Variants in PARP1 observed in about 807,000 individuals in gnomAD.
PARP1 encodes poly(ADP-ribose) polymerase 1.
A neutral mutation model predicts 118.7 loss-of-function variants in PARP1; 44 were observed. The observed-to-expected ratio is 0.37, with a 90% confidence interval of 0.29 to 0.48. The LOEUF is 0.48. Among genes scored for constraint, PARP1 ranks in the 20% least tolerant of loss-of-function variants. The pLI is 0.99. For synonymous variants in PARP1, 492 were observed against 483.2 expected (o/e 1.02, Z -0.24); for missense variants, 1,100 against 1,272.4 (o/e 0.86, Z 2.06).
intron 2 of PARP1, among the ~76,000 whole-genome samples, chr1:226,398,060 A>G (rs944186602): frequency 2.0e-5 from 3 of 152,316 alleles, no homozygotes; most frequent in African/African-American, 7.2e-5. Flanking sequence ...TGTAAGACAC[A>G]AAACTGTTAA....
intron 16 of PARP1, 126 bp from the exon 17 acceptor site, chr1:226,367,734 T>A (rs182600293): frequency 9.3e-7 from 1 of 1,077,908 alleles, no homozygotes; most frequent in East Asian, 2.4e-5. Flanking sequence ...CTCCTGCTGG[T>A]CAGGGCCAGC....
chr1:226,396,535 T>C (rs1664927688), intron 2 of PARP1, among the ~76,000 whole-genome samples: 1 of 152,054 alleles, frequency 6.6e-6, no homozygotes. Context: ...ATATCCCACA[T>C]GTTAATAAGT....
At chr1:226,406,829 C>T in intron 1 of PARP1, among the ~76,000 whole-genome samples, 1 of 152,106 alleles carries the variant, frequency 6.6e-6, no homozygotes, top group Non-Finnish European at 1.5e-5. Context: ...CGGTAAATGT[C>T]GCCCTCCCTT....
At chr1:226,404,762 G>T (rs1033122138) in intron 1 of PARP1, among the ~76,000 whole-genome samples, 1 of 152,214 alleles carries the variant, frequency 6.6e-6, no homozygotes, top group Non-Finnish European at 1.5e-5. Context: ...GCAAGGCACA[G>T]AATCTTTGGC....
intron 4 of PARP1, among the ~76,000 whole-genome samples, chr1:226,389,601 C>A (rs1664784416): frequency 6.6e-6 from 1 of 152,204 alleles, no homozygotes; most frequent in African/African-American, 2.4e-5. Context: ...CTGATGAACT[C>A]CAACACCTAT....
chr1:226,397,654 C>T (rs1189076206), intron 2 of PARP1, among the ~76,000 whole-genome samples: 1 of 152,158 alleles, frequency 6.6e-6, no homozygotes, highest in Non-Finnish European at 1.5e-5. Context: ...TGTAGCACCT[C>T]CCCTTTCACT....
Position 226,366,042 on chromosome 1 carries a change from C to T in PARP1, c.2417G>A (p.Arg806Lys), listed in dbSNP as rs755163226. The T allele has an allele frequency of 3.1e-6, 5 of 1,610,654 alleles. No individual in the cohort carries two copies. The African/African-American group carries it at 6.7e-5, about 22-fold the overall frequency. The change falls in exon 18 of 23, where the codon AGA becomes AAA. Residue 806 changes from arginine (R) to lysine (K), a missense_variant. Arg to Lys is a conservative substitution (Grantham distance 26). Around this residue, in one of 2 missense-constraint regions of PARP1, gnomAD observed 948 missense variants for 1,031.8 expected, o/e 0.92. Transcript: ENST00000366794. ...GATGATCTCGGCTTCTTCAGAATCT[C>T]TGTCAACCACCTGGATAAACAGAAT... Reference protein sequence around the residue: ...KLKTDIKVVDRDSEEAEIIRK... With the variant: ...KLKTDIKVVDKDSEEAEIIRK...
intron 1 of PARP1, 78 bp downstream of exon 1, chr1:226,407,731 CG>C: frequency 9.2e-6 from 13 of 1,413,566 alleles, no homozygotes; most frequent in East Asian, 3.4e-5. Context: ...TCCCTGGGCC[CG>C]CCCTCCCCCA....
At chr1:226,392,891 A>G (rs1341346686) in intron 2 of PARP1, 2 of 1,556,364 alleles carry the variant, frequency 1.3e-6, no homozygotes, top group Non-Finnish European at 1.7e-6. Flanking sequence ...TTATAAAAAT[A>G]AATTCCCAGG....
Position 226,402,223 on chromosome 1 carries a change from C to T in PARP1, c.277G>A (p.Gly93Arg). 6.2e-7 allele frequency: 1 copy of T among 1,614,238 alleles called. No individual in the cohort carries two copies. The highest frequency in any genetic ancestry group is 8.5e-7 in the Non-Finnish European group (1 of 1,180,044). ...QKVKKTAEAG[G>R]VTGKGQDGIG... ...CCCAGTATGTACACACCTGTCACTC[C>T]TCCAGCTTCCGCTGTCTTCTTGACT... Residue 93 changes from glycine to arginine, a missense_variant, in exon 2 of 23, where the codon GGA becomes AGA. Coordinates refer to ENST00000366794, the MANE Select transcript of PARP1 (RefSeq NM_001618.4).
intron 10 of PARP1, 106 bp downstream of exon 10, chr1:226,379,816 T>C (rs1664568926): frequency 9.6e-6 from 15 of 1,558,922 alleles, no homozygotes; most frequent in Non-Finnish European, 1.2e-5. Flanking sequence ...TCTGCAGCAC[T>C]CAACAGGCCA....
intron 14 of PARP1, 117 bp from the exon 15 acceptor site, chr1:226,370,634 G>T: frequency 3.7e-6 from 3 of 820,270 alleles, no homozygotes; most frequent in Non-Finnish European, 6.3e-6. Flanking sequence ...GAGCCTGCTG[G>T]GATTTCCTGA....
intron 8 of PARP1, 98 bp downstream of exon 8, chr1:226,382,938 T>C (rs1664646253): frequency 7.2e-7 from 1 of 1,389,728 alleles, no homozygotes. Context: ...AGAGAGACCC[T>C]TGACGGATAC....
At chr1:226,389,776 G>C (rs1365945230) in intron 4 of PARP1, among the ~76,000 whole-genome samples, 1 of 152,128 alleles carries the variant, frequency 6.6e-6, no homozygotes, top group African/African-American at 2.4e-5. Context: ...CAAGGAGCAG[G>C]GTGCATACCA....
chr1:226,380,789 T>C (rs1215269795), intron 9 of PARP1, among the ~76,000 whole-genome samples: 1 of 152,310 alleles, frequency 6.6e-6, no homozygotes, highest in South Asian at 2.1e-4. Flanking sequence ...TCAAAAAGTG[T>C]TGAATTTTGA....
At chr1:226,381,364 C>T (rs947518542) in intron 8 of PARP1, among the ~76,000 whole-genome samples, 156 bp from the exon 9 acceptor site, 1 of 152,230 alleles carries the variant, frequency 6.6e-6, no homozygotes, top group Non-Finnish European at 1.5e-5. Flanking sequence ...CAAGCTGCCA[C>T]CTGAGTACCT....
At chr1:226,392,754 A>G (rs759094914) in intron 2 of PARP1, 10 of 580,888 alleles carry the variant, frequency 1.7e-5, no homozygotes, top group Non-Finnish European at 2.9e-5. Flanking sequence ...AGACACAAGT[A>G]TATGTAAGAA....
At chr1:226,391,453 A>G (rs1037472039) in intron 3 of PARP1, among the ~76,000 whole-genome samples, 7 of 152,168 alleles carry the variant, frequency 4.6e-5, no homozygotes, top group Admixed American at 2.0e-4. Flanking sequence ...ATGCAGCAGG[A>G]GGGGTTCCTG....
rs781706215 is a variant in PARP1, at chr1:226,379,528, TG to T, written c.1612+44del. The T allele has an allele frequency of 2.7e-6, 4 of 1,493,020 alleles. No individual in the cohort carries two copies. In the African/African-American group the frequency reaches 4.1e-5, roughly 15 times the overall value. 92.5% of individuals were successfully genotyped at this position (1,493,020 alleles called of 1,614,324 possible). A position where few individuals can be genotyped will look rare whatever the true frequency, so the allele number is the denominator to read the frequency against. Reference sequence around the variant, plus strand: ...TGTGTGCTCCTAGTCAGCTGGGGGTTGGGGGGCGGCACAGCCCACTTTGCTG... The same window carrying T: ...TGTGTGCTCCTAGTCAGCTGGGGGTTGGGGGCGGCACAGCCCACTTTGCTG... On this transcript the variant is annotated intron_variant, in intron 11 of 22. Coordinates refer to ENST00000366794, the MANE Select transcript of PARP1 (RefSeq NM_001618.4).
Sources: gnomAD v4.1 joint callset for allele counts (sites outside exome capture counted in the v4.1 genomes callset) on GRCh38, gnomAD v4.1.1 for gene constraint, gnomAD v4.1.1 regional missense constraint, MANE v1.5 for transcripts, NCBI Gene and HGNC (gene_info 2026-07-23, HGNC 2026-07-21) for gene names.